The following MDFIC2 variants were observed in gnomAD, a reference collection of about 807,000 sequenced individuals.
The protein encoded by MDFIC2 is MyoD family inhibitor domain containing 2.
chr3:70,287,613 G>T (rs1412574324), intron 2 of MDFIC2, among the ~76,000 whole-genome samples: 7 of 152,034 alleles, frequency 4.6e-5, no homozygotes. Context: ...CTATTGATTG[G>T]AATAGTTTCA....
At chr3:70,290,132 C>T (rs1283451912) in intron 2 of MDFIC2, among the ~76,000 whole-genome samples, 6 of 152,172 alleles carry the variant, frequency 3.9e-5, no homozygotes, top group Non-Finnish European at 8.8e-5. Flanking sequence ...GGAGGAGAGG[C>T]GCTCTGCTTT....
intron 2 of MDFIC2, among the ~76,000 whole-genome samples, chr3:70,254,327 A>G: frequency 6.6e-6 from 1 of 152,278 alleles, no homozygotes; most frequent in East Asian, 1.9e-4. Context: ...AACATTCTAA[A>G]ATTGCATATT....
chr3:70,295,861 T>C (rs1702285123), intron 2 of MDFIC2, among the ~76,000 whole-genome samples: 1 of 152,202 alleles, frequency 6.6e-6, no homozygotes. Context: ...TGTGGTTTAA[T>C]AGAAATGTGC....
At chr3:70,273,900 T>A (rs975064220) in intron 2 of MDFIC2, among the ~76,000 whole-genome samples, 1 of 152,090 alleles carries the variant, frequency 6.6e-6, no homozygotes, top group African/African-American at 2.4e-5. Context: ...ACTCCTAGGC[T>A]CAAGTCATTC....
intron 2 of MDFIC2, among the ~76,000 whole-genome samples, chr3:70,274,754 TAAAAC>T (rs1403459299): frequency 2.6e-5 from 4 of 152,134 alleles, no homozygotes; most frequent in African/African-American, 9.7e-5. Flanking sequence ...CCTTGGAACT[TAAAAC>T]AAATATAAAA....
At chr3:70,297,710 TA>T (rs1226153932) in intron 2 of MDFIC2, among the ~76,000 whole-genome samples, 1 of 152,116 alleles carries the variant, frequency 6.6e-6, no homozygotes, top group African/African-American at 2.4e-5. Flanking sequence ...TGTTTATTAT[TA>T]TTTTTTTCCT....
chr3:70,311,751 A>G (rs1351535038), intron 2 of MDFIC2, 135 bp downstream of exon 2: 1 of 384,948 alleles, frequency 2.6e-6, no homozygotes, highest in African/African-American at 2.1e-5. Context: ...TTGAAAAAAA[A>G]AGAAAAGAGT....
At position 70,250,409 on chromosome 3, in the gene MDFIC2, T is replaced by TCACACACA. The variant is rs1491108341; in HGVS notation, c.89-43620_89-43619insTGTGTGTG. The stretch of plus-strand genomic sequence containing the variant: ...TATTCGGTATTTTTCTTTTAATGAA[T>TCACACACA]CTCACACACACACACACACACACAC... On this transcript the variant is annotated intron_variant, in intron 2 of 3. Coordinates refer to ENST00000567252, the MANE Select transcript of MDFIC2 (RefSeq NM_001364677.1). 1.7e-3 allele frequency among the ~76,000 whole-genome samples: 213 copies of TCACACACA among 126,342 alleles called. 1 individual carries two copies. The highest frequency in any genetic ancestry group is 2.5e-3 in the Non-Finnish European group (147 of 57,866). 82.9% of individuals were successfully genotyped at this position (126,342 alleles called of 152,430 possible). A position where few individuals can be genotyped will look rare whatever the true frequency, so the allele number is the denominator to read the frequency against.
At chr3:70,310,074 A>G (rs933930976) in intron 2 of MDFIC2, among the ~76,000 whole-genome samples, 5 of 152,196 alleles carry the variant, frequency 3.3e-5, no homozygotes, top group Non-Finnish European at 7.3e-5. Context: ...TTTGAGATTC[A>G]TAAGAAAAAC....
chr3:70,227,698 G>A, intron 2 of MDFIC2, among the ~76,000 whole-genome samples: 1 of 152,208 alleles, frequency 6.6e-6, no homozygotes, highest in East Asian at 1.9e-4. Context: ...ATGCCAGATA[G>A]TGTTCTGAGG....
In MDFIC2 at chr3:70,286,621, T is replaced by C. The variant is rs1310696274; in HGVS notation, c.88+25265A>G. On this transcript the variant is annotated intron_variant, in intron 2 of 3. Coordinates refer to ENST00000567252, the MANE Select transcript of MDFIC2 (RefSeq NM_001364677.1). Reference sequence around the variant, plus strand: ...AAAGTCATTGGTAGCTTGATGGGGATGGCATTGAATCTGTAAATTACCTTG... The same window carrying C: ...AAAGTCATTGGTAGCTTGATGGGGACGGCATTGAATCTGTAAATTACCTTG... 3.9e-5 allele frequency among the ~76,000 whole-genome samples: 6 copies of C among 152,166 alleles called. No homozygotes were observed. In the South Asian group the frequency reaches 8.3e-4, roughly 21 times the overall value.
At chr3:70,226,848 T>G (rs1184540447) in intron 2 of MDFIC2, among the ~76,000 whole-genome samples, 1 of 152,008 alleles carries the variant, frequency 6.6e-6, no homozygotes, top group Admixed American at 6.6e-5. Context: ...AAAATAGTGC[T>G]TAGCAGAGCA....
At chr3:70,226,495 T>C (rs1168165331) in intron 2 of MDFIC2, among the ~76,000 whole-genome samples, 1 of 152,132 alleles carries the variant, frequency 6.6e-6, no homozygotes, top group Non-Finnish European at 1.5e-5. Context: ...CCCAACACTT[T>C]GGGAGGCTGA....
intron 2 of MDFIC2, among the ~76,000 whole-genome samples, chr3:70,280,465 G>A (rs1257876576): frequency 7.2e-5 from 11 of 152,222 alleles, no homozygotes; most frequent in African/African-American, 1.4e-4. Flanking sequence ...TCTCAAATAA[G>A]GCATCAATAC....
Position 70,290,607 on chromosome 3 carries a change from T to C in MDFIC2, c.88+21279A>G, listed in dbSNP as rs540327470. ...CTCCACCCAGTTCGAGTTTCCGGGCTGTTTTGATTACCTCAGCAAGCCTGG... is the reference window on the plus strand; with the variant it reads ...CTCCACCCAGTTCGAGTTTCCGGGCCGTTTTGATTACCTCAGCAAGCCTGG... On this transcript the variant is annotated intron_variant, in intron 2 of 3. Coordinates refer to ENST00000567252, the MANE Select transcript of MDFIC2 (RefSeq NM_001364677.1). 4.3e-4 allele frequency among the ~76,000 whole-genome samples: 65 copies of C among 152,344 alleles called. 1 individual carries two copies. Among genetic ancestry groups the C allele is most frequent in the Non-Finnish European group, 1.0e-4 (7 of 68,012 alleles).
intron 2 of MDFIC2, among the ~76,000 whole-genome samples, chr3:70,261,694 G>A (rs1192802685): frequency 6.6e-6 from 1 of 152,148 alleles, no homozygotes; most frequent in East Asian, 1.9e-4. Flanking sequence ...AGAATGCCAA[G>A]TTATCTTGCA....
chr3:70,287,579 A>C (rs1702179212), intron 2 of MDFIC2, among the ~76,000 whole-genome samples: 1 of 152,040 alleles, frequency 6.6e-6, no homozygotes, highest in Non-Finnish European at 1.5e-5. Context: ...TCATAAAATG[A>C]GTGAGGGAGG....
rs1308139127 is a variant in MDFIC2, at chr3:70,206,882, T to G, written c.89-92A>C. On this transcript the variant is annotated intron_variant, in intron 2 of 3. Coordinates refer to ENST00000567252, the MANE Select transcript of MDFIC2 (RefSeq NM_001364677.1). Reference sequence around the variant, plus strand: ...ATGCAGAAATTTTCACATTTGACTTTCCTAAGATTAAAGTCTTAAGAAAAC... The same window carrying G: ...ATGCAGAAATTTTCACATTTGACTTGCCTAAGATTAAAGTCTTAAGAAAAC... 27 of 395,558 alleles carry G rather than the reference T, an allele frequency of 6.8e-5. No homozygotes were observed. In the East Asian group the frequency reaches 9.6e-4, roughly 14 times the overall value. 24.5% of individuals were successfully genotyped at this position (395,558 alleles called of 1,614,324 possible). A position where few individuals can be genotyped will look rare whatever the true frequency, so the allele number is the denominator to read the frequency against.
At chr3:70,303,115 A>C (rs1226067994) in intron 2 of MDFIC2, among the ~76,000 whole-genome samples, 2 of 152,222 alleles carry the variant, frequency 1.3e-5, no homozygotes, top group Non-Finnish European at 2.9e-5. Context: ...GTGCTTCATC[A>C]ACAGCACATA....
Sources: allele counts gnomAD v4.1 joint callset (sites outside exome capture counted in the v4.1 genomes callset), GRCh38; gene constraint gnomAD v4.1.1; transcripts MANE v1.5; gene names NCBI Gene and HGNC (gene_info 2026-07-23, HGNC 2026-07-21).